Variants in KIAA1549L observed in about 807,000 individuals in gnomAD.
The protein encoded by KIAA1549L is KIAA1549 like.
Under a neutral mutation model 160.7 loss-of-function variants are expected in KIAA1549L, and 88 were observed. That is an observed-to-expected ratio of 0.55 (90% CI 0.46 to 0.65). The LOEUF (loss-of-function observed/expected upper bound fraction) is 0.65, where lower values mean the gene tolerates loss of function less well. KIAA1549L is among the 30% of genes least tolerant of loss of function. The pLI, the probability that KIAA1549L is intolerant of heterozygous loss-of-function variation, is 0.00. For synonymous variants in KIAA1549L, 950 were observed against 976.7 expected (o/e 0.97, Z 0.51); for missense variants, 2,258 against 2,437.5 (o/e 0.93, Z 1.55).
rs569764517 is a variant in KIAA1549L, at chr11:33,456,070, A to C, written c.238+79181A>C. On this transcript the variant is annotated intron_variant, in intron 1 of 20. Coordinates refer to ENST00000658780, the MANE Select transcript of KIAA1549L (RefSeq NM_012194.3). ...ACAGGGAAGATAATGGCATTCAATTACAGCCAAGGGGACTCTTCTTTACTT... is the reference window on the plus strand; with the variant it reads ...ACAGGGAAGATAATGGCATTCAATTCCAGCCAAGGGGACTCTTCTTTACTT... Among the ~76,000 whole-genome samples the C allele has an allele frequency of 5.3e-5, 8 of 152,322 alleles. No individual in the cohort carries two copies. In the East Asian group the frequency reaches 1.5e-3, roughly 29 times the overall value.
rs570543912 is a variant in KIAA1549L, at chr11:33,459,763, C to T, written c.239-82039C>T. ...GATCACGAGGTCAGGAGATCGAGAC[C>T]ATCCCGGCTAAAACGGTGAAACCCC... On this transcript the variant is annotated intron_variant, in intron 1 of 20. Coordinates refer to ENST00000658780, the MANE Select transcript of KIAA1549L (RefSeq NM_012194.3). 7.6e-3 allele frequency among the ~76,000 whole-genome samples: 1,152 copies of T among 151,236 alleles called. 14 individuals are homozygous for T. Among genetic ancestry groups the T allele is most frequent in the African/African-American group, 0.027 (1,104 of 41,044 alleles).
chr11:33,660,766 C>A, intron 19 of KIAA1549L, 97 bp from the exon 20 acceptor site: 1 of 1,205,882 alleles, frequency 8.3e-7, no homozygotes, highest in Middle Eastern at 2.5e-4. Flanking sequence ...AGCAGCCAGC[C>A]AGGGAGCCAA....
intron 1 of KIAA1549L, among the ~76,000 whole-genome samples, chr11:33,513,912 G>T (rs1055979874): frequency 1.3e-5 from 2 of 152,174 alleles, no homozygotes; most frequent in African/African-American, 2.4e-5. Context: ...ACCCTCTACT[G>T]TCTGAAAATT....
intron 1 of KIAA1549L, among the ~76,000 whole-genome samples, chr11:33,468,008 C>G (rs1852098311): frequency 6.6e-6 from 1 of 152,212 alleles, no homozygotes; most frequent in Non-Finnish European, 1.5e-5. Context: ...ACAGCCTTTT[C>G]CAGACAGCCA....
chr11:33,582,343 G>A (rs941265546), intron 10 of KIAA1549L, among the ~76,000 whole-genome samples: 2 of 152,152 alleles, frequency 1.3e-5, no homozygotes, highest in African/African-American at 4.8e-5. Context: ...CCTCAGGCAG[G>A]TCTCACCACG....
At chr11:33,587,510 T>G (rs1224503986) in intron 11 of KIAA1549L, among the ~76,000 whole-genome samples, 1 of 152,204 alleles carries the variant, frequency 6.6e-6, no homozygotes, top group Non-Finnish European at 1.5e-5. Context: ...GGCTGTAATG[T>G]TTGCCTTGCT....
intron 19 of KIAA1549L, 57 bp downstream of exon 19, chr11:33,658,955 C>T (rs909908879): frequency 6.8e-6 from 10 of 1,467,164 alleles, no homozygotes; most frequent in Middle Eastern, 1.8e-4. Flanking sequence ...GCCCTGTCCT[C>T]CCTCAAATCC....
At chr11:33,510,517 C>T (rs530333274) in intron 1 of KIAA1549L, among the ~76,000 whole-genome samples, 50 of 152,292 alleles carry the variant, frequency 3.3e-4, no homozygotes, top group South Asian at 1.2e-3. Flanking sequence ...GACCCCAGGA[C>T]TGTTTGTCTC....
At chr11:33,648,305 C>G (rs1048189901) in intron 17 of KIAA1549L, among the ~76,000 whole-genome samples, 1 of 151,982 alleles carries the variant, frequency 6.6e-6, no homozygotes, top group Non-Finnish European at 1.5e-5. Context: ...CGAATCAGAA[C>G]ATTATTAAAC....
chr11:33,488,006 G>A (rs1852568673), intron 1 of KIAA1549L, among the ~76,000 whole-genome samples: 1 of 152,208 alleles, frequency 6.6e-6, no homozygotes, highest in Non-Finnish European at 1.5e-5. Context: ...GGCATTGCGA[G>A]ACTGGTTCTG....
chr11:33,422,059 C>T (rs1445808546), intron 1 of KIAA1549L, among the ~76,000 whole-genome samples: 7 of 152,034 alleles, frequency 4.6e-5, no homozygotes, highest in Non-Finnish European at 8.8e-5. Context: ...TTGTGCTATC[C>T]CTCCCCCATG....
At chr11:33,401,030 A>C (rs572141609) in intron 1 of KIAA1549L, among the ~76,000 whole-genome samples, 129 of 152,122 alleles carry the variant, frequency 8.5e-4, no homozygotes, top group African/African-American at 2.9e-3. Flanking sequence ...CCTCTGCCCC[A>C]TGAGCTGCGT....
intron 17 of KIAA1549L, 81 bp from the exon 18 acceptor site, chr11:33,655,931 C>A: frequency 1.1e-6 from 1 of 929,802 alleles, no homozygotes; most frequent in Non-Finnish European, 1.7e-6. Flanking sequence ...AAGTTTGCTT[C>A]CTCCTCAAAC....
intron 1 of KIAA1549L, among the ~76,000 whole-genome samples, chr11:33,520,511 A>C (rs1853457088): frequency 6.6e-6 from 1 of 152,208 alleles, no homozygotes; most frequent in African/African-American, 2.4e-5. Flanking sequence ...AAAATTTCAG[A>C]AGCTCAGTTT....
At chr11:33,592,034 T>C (rs187304779) in intron 12 of KIAA1549L, among the ~76,000 whole-genome samples, 1 of 152,316 alleles carries the variant, frequency 6.6e-6, no homozygotes, top group Admixed American at 6.5e-5. Flanking sequence ...GGTTATCCTT[T>C]AGCTGAGCCT....
intron 17 of KIAA1549L, among the ~76,000 whole-genome samples, chr11:33,649,529 AAGC>A (rs1369419674): frequency 5.8e-5 from 8 of 138,088 alleles, no homozygotes; most frequent in Non-Finnish European, 8.0e-5. Flanking sequence ...AAAAAAAAAG[AAGC>A]AGCAGCAGCA....
intron 16 of KIAA1549L, among the ~76,000 whole-genome samples, chr11:33,633,858 A>G (rs1388936003): frequency 6.6e-6 from 1 of 152,174 alleles, no homozygotes; most frequent in South Asian, 2.1e-4. Context: ...TAGTGTTCTC[A>G]TCTGTAAAAT....
intron 1 of KIAA1549L, among the ~76,000 whole-genome samples, chr11:33,435,816 G>GTGTGTGTATATATATATATATATA (rs1554976827): frequency 2.5e-5 from 1 of 39,564 alleles, no homozygotes; most frequent in African/African-American, 1.6e-4. Context: ...ATATATGTGT[G>GTGTGTGTATATATATATATATATA]TGTATATATA....
chr11:33,497,552 C>T (rs529462834), intron 1 of KIAA1549L, among the ~76,000 whole-genome samples: 1 of 152,260 alleles, frequency 6.6e-6, no homozygotes, highest in Non-Finnish European at 1.5e-5. Flanking sequence ...CCCAAAGCAC[C>T]ATAAAACTTC....
Sources: gnomAD v4.1 joint callset for allele counts (sites outside exome capture counted in the v4.1 genomes callset) on GRCh38, gnomAD v4.1.1 for gene constraint, MANE v1.5 for transcripts, NCBI Gene and HGNC (gene_info 2026-07-23, HGNC 2026-07-21) for gene names.